The following FRMD3 variants were observed in gnomAD, a reference collection of about 807,000 sequenced individuals.
FRMD3 encodes FERM domain containing 3.
In FRMD3, 33 loss-of-function variants were observed where a neutral mutation model predicts 70.2. That is an observed-to-expected ratio of 0.47 (90% CI 0.36 to 0.63). The LOEUF (loss-of-function observed/expected upper bound fraction) is 0.63, where lower values mean the gene tolerates loss of function less well. FRMD3 is among the 20% of genes least tolerant of loss of function. FRMD3 has a pLI of 0.00. For synonymous variants in FRMD3, 279 were observed against 255.9 expected, an observed-to-expected ratio of 1.09 and a Z score of -0.86; for missense variants, 632 against 711.4, an observed-to-expected ratio of 0.89 and a Z score of 1.27.
chr9:83,364,336 G>A (rs377202857), intron 3 of FRMD3, among the ~76,000 whole-genome samples: 65 of 152,234 alleles, frequency 4.3e-4, no homozygotes, highest in African/African-American at 1.3e-3. Context: ...AGGCGGGGGC[G>A]TCACAAGGTC....
chr9:83,316,159 T>C (rs866144432), intron 6 of FRMD3, among the ~76,000 whole-genome samples: 170 of 125,322 alleles, frequency 1.4e-3, no homozygotes, highest in African/African-American at 6.1e-3. Flanking sequence ...TTTTTTTTTT[T>C]TCTTTTTTTT....
chr9:83,312,751 C>G, intron 7 of FRMD3, among the ~76,000 whole-genome samples: 1 of 150,864 alleles, frequency 6.6e-6, no homozygotes, highest in Admixed American at 6.6e-5. Context: ...CACTCCCCCT[C>G]CGCCGCCCTG....
intron 5 of FRMD3, among the ~76,000 whole-genome samples, chr9:83,341,018 T>C (rs1823736865): frequency 6.6e-6 from 1 of 152,318 alleles, no homozygotes; most frequent in South Asian, 2.1e-4. Flanking sequence ...ACTTACTCCA[T>C]CTTCCCTATT....
chr9:83,292,516 C>A (rs2118985169), intron 12 of FRMD3, among the ~76,000 whole-genome samples: 1 of 152,212 alleles, frequency 6.6e-6, no homozygotes, highest in African/African-American at 2.4e-5. Flanking sequence ...GGAAGAAGCA[C>A]AACTGAAATT....
chr9:83,504,893 A>C (rs1829148388), intron 1 of FRMD3, among the ~76,000 whole-genome samples: 1 of 152,184 alleles, frequency 6.6e-6, no homozygotes, highest in Non-Finnish European at 1.5e-5. Context: ...AATATTGATA[A>C]ATGAATGAAT....
chr9:83,545,365 T>TG, the FRMD3 span, among the ~76,000 whole-genome samples: 56 of 140,508 alleles, frequency 4.0e-4, no homozygotes, highest in South Asian at 9.3e-4. Context: ...TGTTTTTTTT[T>TG]TTTTTTTTTT....
the FRMD3 span, among the ~76,000 whole-genome samples, chr9:83,576,062 T>A: frequency 6.6e-6 from 1 of 151,748 alleles, no homozygotes; most frequent in African/African-American, 2.4e-5. Flanking sequence ...AAATAAAAAA[T>A]TTTCTAAAAG....
intron 6 of FRMD3, among the ~76,000 whole-genome samples, chr9:83,334,670 C>CTA (rs1823517418): frequency 6.6e-6 from 1 of 152,098 alleles, no homozygotes; most frequent in Non-Finnish European, 1.5e-5. Context: ...TAGCTACAGA[C>CTA]TAGACTACTT....
At chr9:83,273,534 C>T (rs528354789) in intron 13 of FRMD3, among the ~76,000 whole-genome samples, 1 of 150,130 alleles carries the variant, frequency 6.7e-6, no homozygotes, top group African/African-American at 2.5e-5. Context: ...ACCAGAGACC[C>T]TTGTTCACTT....
In FRMD3 at chr9:83,315,119, CA is replaced by C. The variant is rs1453824606; in HGVS notation, c.597-1373del. Among the ~76,000 whole-genome samples the C allele has an allele frequency of 2.6e-5, 4 of 152,096 alleles. No homozygotes were observed. In the East Asian group the frequency reaches 7.7e-4, roughly 29 times the overall value. Reference sequence around the variant, plus strand: ...AATATCTATGTGGATCTTCAAATAGCAGCCTGTTCTCAGCTCATGATCATGA... The same window carrying C: ...AATATCTATGTGGATCTTCAAATAGCGCCTGTTCTCAGCTCATGATCATGA... On this transcript the variant is annotated intron_variant, in intron 6 of 13. Coordinates refer to ENST00000304195, the MANE Select transcript of FRMD3 (RefSeq NM_174938.6).
chr9:83,405,923 A>G (rs984567430), intron 1 of FRMD3, among the ~76,000 whole-genome samples: 1 of 152,050 alleles, frequency 6.6e-6, no homozygotes, highest in Non-Finnish European at 1.5e-5. Flanking sequence ...AAATTCTGCC[A>G]ATTTTACTCG....
At chr9:83,552,133 A>C in the FRMD3 span, among the ~76,000 whole-genome samples, 1 of 152,114 alleles carries the variant, frequency 6.6e-6, no homozygotes, top group Non-Finnish European at 1.5e-5. Flanking sequence ...TACTGTTAAC[A>C]CTGCCTTAGC....
the FRMD3 span, among the ~76,000 whole-genome samples, chr9:83,580,528 T>A: frequency 4.7e-4 from 72 of 152,222 alleles, no homozygotes; most frequent in Non-Finnish European, 1.8e-4. Context: ...AACACGTACC[T>A]CGTGATCTCA....
At chr9:83,363,731 T>C (rs1037244932) in intron 3 of FRMD3, among the ~76,000 whole-genome samples, 1 of 152,066 alleles carries the variant, frequency 6.6e-6, no homozygotes, top group Non-Finnish European at 1.5e-5. Flanking sequence ...ATTTTTTGTA[T>C]TTTTAGTAGA....
chr9:83,374,229 C>T (rs978545600), intron 2 of FRMD3, among the ~76,000 whole-genome samples: 3 of 152,022 alleles, frequency 2.0e-5, no homozygotes, highest in East Asian at 1.9e-4. Flanking sequence ...ATATTCTTCT[C>T]GGTGAGCACT....
chr9:83,358,356 C>T (rs961606565), intron 3 of FRMD3, among the ~76,000 whole-genome samples: 10 of 152,102 alleles, frequency 6.6e-5, no homozygotes, highest in Non-Finnish European at 1.2e-4. Flanking sequence ...AGTTTGAAGT[C>T]GGGTAATGTG....
chr9:83,342,966 G>A (rs989657130), intron 5 of FRMD3, among the ~76,000 whole-genome samples: 2 of 152,158 alleles, frequency 1.3e-5, no homozygotes, highest in African/African-American at 4.8e-5. Flanking sequence ...GAGCAACTCT[G>A]TTTTTGCAGA....
intron 1 of FRMD3, among the ~76,000 whole-genome samples, chr9:83,470,704 C>T (rs577318611): frequency 2.2e-4 from 33 of 152,308 alleles, no homozygotes; most frequent in Non-Finnish European, 3.8e-4. Flanking sequence ...AATACACAAG[C>T]TAATCTGGTA....
chr9:83,300,254 CCTG>C (rs1238749005), intron 10 of FRMD3, among the ~76,000 whole-genome samples: 106 of 152,262 alleles, frequency 7.0e-4, no homozygotes, highest in Non-Finnish European at 1.5e-3. Context: ...GCTGATCTAG[CCTG>C]GGGGCCAGAG....
Sources: gnomAD v4.1 joint callset for allele counts (sites outside exome capture counted in the v4.1 genomes callset) on GRCh38, gnomAD v4.1.1 for gene constraint, MANE v1.5 for transcripts, NCBI Gene and HGNC (gene_info 2026-07-23, HGNC 2026-07-21) for gene names.